LRRTM4: variants seen among roughly 807,000 people sequenced by gnomAD.
The protein encoded by LRRTM4 is leucine-rich repeat transmembrane neuronal protein 4.
LRRTM4 carries 25 observed loss-of-function variants against 47.6 expected under a neutral mutation model. The observed-to-expected ratio is 0.53, with a 90% CI of 0.38 to 0.73. The LOEUF (loss-of-function observed/expected upper bound fraction) is 0.73. Among genes scored for constraint, LRRTM4 ranks in the 30% least tolerant of loss-of-function variants. The pLI is 0.00. For synonymous variants in LRRTM4, 311 were observed against 269.5 expected (o/e 1.15, Z -1.51); for missense variants, 638 against 713.4 (o/e 0.89, Z 1.20).
chr2:76,936,044 A>C (rs1242587767), intron 3 of LRRTM4, among the ~76,000 whole-genome samples: 1 of 152,172 alleles, frequency 6.6e-6, no homozygotes, highest in Admixed American at 6.5e-5. Context: ...TTCCTCAAGG[A>C]TCTAGAACTA....
chr2:77,183,069 C>G (rs1270191372), intron 3 of LRRTM4, among the ~76,000 whole-genome samples: 1 of 152,078 alleles, frequency 6.6e-6, no homozygotes, highest in African/African-American at 2.4e-5. Flanking sequence ...GCAACAAAAG[C>G]CAAAATTGAC....
At chr2:77,520,767 T>G (rs1053501071) in intron 2 of LRRTM4, among the ~76,000 whole-genome samples, 4 of 152,052 alleles carry the variant, frequency 2.6e-5, no homozygotes, top group Admixed American at 1.3e-4. Flanking sequence ...TCTCACTGAC[T>G]TTTTTCTCCC....
intron 3 of LRRTM4, among the ~76,000 whole-genome samples, chr2:77,044,230 T>C (rs1679153219): frequency 1.3e-5 from 2 of 151,770 alleles, no homozygotes; most frequent in African/African-American, 4.8e-5. Context: ...CTGAACACTT[T>C]AGAATATAAA....
chr2:77,063,367 A>C (rs751772607), intron 3 of LRRTM4, among the ~76,000 whole-genome samples: 1 of 152,110 alleles, frequency 6.6e-6, no homozygotes, highest in Non-Finnish European at 1.5e-5. Flanking sequence ...GGTTAATTCT[A>C]TTTTGAATAG....
At chr2:77,046,513 C>A (rs1421932428) in intron 3 of LRRTM4, among the ~76,000 whole-genome samples, 1 of 151,924 alleles carries the variant, frequency 6.6e-6, no homozygotes, top group African/African-American at 2.4e-5. Flanking sequence ...CAGACAGTCT[C>A]AATGATGATG....
At chr2:76,815,742 T>A (rs1017950802) in intron 3 of LRRTM4, among the ~76,000 whole-genome samples, 11 of 152,156 alleles carry the variant, frequency 7.2e-5, no homozygotes, top group Non-Finnish European at 1.5e-4. Flanking sequence ...AAACTGATTT[T>A]GCAGGTAACA....
intron 3 of LRRTM4, among the ~76,000 whole-genome samples, chr2:76,780,844 A>G (rs552595302): frequency 2.7e-5 from 4 of 150,936 alleles, no homozygotes; most frequent in East Asian, 3.9e-4. Flanking sequence ...TCTGCTTTTC[A>G]GAGTTTCCAG....
chr2:77,115,004 TG>T (rs572302391), intron 3 of LRRTM4, among the ~76,000 whole-genome samples: 2 of 152,092 alleles, frequency 1.3e-5, no homozygotes, highest in Non-Finnish European at 2.9e-5. Flanking sequence ...TTCCCAATCC[TG>T]GTAAGCCTGA....
In LRRTM4 at chr2:76,748,497, C is replaced by T. The variant is rs1002019524; in HGVS notation, c.*198G>A. The T allele has an allele frequency of 1.7e-6, 1 of 581,888 alleles. No homozygotes were observed. The highest frequency in any genetic ancestry group is 2.2e-5 in the South Asian group (1 of 46,274). 36.0% of individuals were successfully genotyped at this position (581,888 alleles called of 1,614,324 possible). A position where few individuals can be genotyped will look rare whatever the true frequency, so the allele number is the denominator to read the frequency against. On this transcript the variant is annotated 3_prime_UTR_variant, in exon 4 of 4. Coordinates refer to ENST00000409884, the MANE Select transcript of LRRTM4 (RefSeq NM_001134745.3). Reference sequence around the variant, plus strand: ...TTAAAGCAAAGAAAGTTCTGCAGTCCTCCCGGTAATGCTGCAGGTGCATTC... The same window carrying T: ...TTAAAGCAAAGAAAGTTCTGCAGTCTTCCCGGTAATGCTGCAGGTGCATTC...
intron 3 of LRRTM4, among the ~76,000 whole-genome samples, chr2:77,315,382 T>C (rs971219373): frequency 8.5e-5 from 13 of 152,170 alleles, no homozygotes; most frequent in Middle Eastern, 3.2e-3. Flanking sequence ...CATACATTTA[T>C]ATATAACTCA....
chr2:76,927,388 C>T (rs1049866958), intron 3 of LRRTM4, among the ~76,000 whole-genome samples: 5 of 152,150 alleles, frequency 3.3e-5, no homozygotes, highest in Non-Finnish European at 5.9e-5. Flanking sequence ...AACGGTTCTA[C>T]GATGTAAACT....
intron 3 of LRRTM4, among the ~76,000 whole-genome samples, chr2:76,926,554 T>C (rs1348474729): frequency 1.3e-5 from 2 of 152,280 alleles, no homozygotes; most frequent in East Asian, 3.9e-4. Flanking sequence ...TGTTTGGAGC[T>C]GGGGGCTTTA....
intron 3 of LRRTM4, among the ~76,000 whole-genome samples, chr2:77,044,448 C>A (rs1679161058): frequency 6.6e-6 from 1 of 151,652 alleles, no homozygotes; most frequent in Non-Finnish European, 1.5e-5. Flanking sequence ...GAGAGATATA[C>A]TAAAAGAGGA....
chr2:77,316,787 C>T (rs1417547173), intron 3 of LRRTM4, among the ~76,000 whole-genome samples: 1 of 152,146 alleles, frequency 6.6e-6, no homozygotes, highest in South Asian at 2.1e-4. Flanking sequence ...CTCAAACGAT[C>T]CACCTGCCTT....
chr2:77,086,027 T>C (rs1046973363), intron 3 of LRRTM4, among the ~76,000 whole-genome samples: 1 of 152,184 alleles, frequency 6.6e-6, no homozygotes. Context: ...GTGAGTTAAA[T>C]TCAATTTTAA....
intron 3 of LRRTM4, among the ~76,000 whole-genome samples, chr2:77,370,384 C>G (rs748100392): frequency 2.2e-4 from 33 of 151,566 alleles, no homozygotes; most frequent in Non-Finnish European, 3.2e-4. Context: ...AACTACTGTC[C>G]CCTAGCAATG....
chr2:76,911,961 G>A (rs1426401034), intron 3 of LRRTM4, among the ~76,000 whole-genome samples: 1 of 136,474 alleles, frequency 7.3e-6, no homozygotes, highest in African/African-American at 2.7e-5. Flanking sequence ...ACAGAGTCTC[G>A]CTCTGTCGCC....
rs1051899087 is a variant in LRRTM4 at position 77,260,374 on chromosome 2, C to T, written c.1551+257944G>A. Reference sequence around the variant, plus strand: ...GAAATTGGAAGTACTACCAAAAAATCGTGTGTGTGTGTGTGTGTGTGTGTG... The same window carrying T: ...GAAATTGGAAGTACTACCAAAAAATTGTGTGTGTGTGTGTGTGTGTGTGTG... On this transcript the variant is annotated intron_variant, in intron 3 of 3. Transcript: ENST00000409884. 6.4e-5 allele frequency among the ~76,000 whole-genome samples: 9 copies of T among 140,398 alleles called. 1 individual carries two copies. The highest frequency in any genetic ancestry group is 2.9e-4 in the Admixed American group (4 of 14,012). 92.1% of individuals were successfully genotyped at this position (140,398 alleles called of 152,430 possible). A position where few individuals can be genotyped will look rare whatever the true frequency, so the allele number is the denominator to read the frequency against.
chr2:76,937,045 C>A (rs1163791104), intron 3 of LRRTM4, among the ~76,000 whole-genome samples: 3 of 137,750 alleles, frequency 2.2e-5, no homozygotes, highest in Admixed American at 7.6e-5. Context: ...GTGACAATGA[C>A]AACGGGAAGC....
Sources: gnomAD v4.1 joint callset for allele counts (sites outside exome capture counted in the v4.1 genomes callset) on GRCh38, gnomAD v4.1.1 for gene constraint, MANE v1.5 for transcripts, NCBI Gene and HGNC (gene_info 2026-07-23, HGNC 2026-07-21) for gene names.